PALM2AKAP2: variants seen among roughly 807,000 people sequenced by gnomAD.
PALM2AKAP2 encodes PALM2 and AKAP2 fusion.
Under a neutral mutation model 71.5 loss-of-function variants are expected in PALM2AKAP2, and 37 were observed. The observed-to-expected ratio is 0.52, with a 90% CI of 0.40 to 0.68. The LOEUF is 0.68. PALM2AKAP2 is among the 30% of genes least tolerant of loss of function. The pLI is 0.00. For synonymous variants in PALM2AKAP2, 468 were observed against 478.8 expected (o/e 0.98, Z 0.29); for missense variants, 1,224 against 1,191.8 (o/e 1.03, Z -0.40).
intron 2 of PALM2AKAP2, among the ~76,000 whole-genome samples, chr9:110,152,641 C>T (rs1394553031): frequency 6.6e-6 from 1 of 152,218 alleles, no homozygotes; most frequent in African/African-American, 2.4e-5. Flanking sequence ...GTGGTGCTGT[C>T]TGCAGTGTCC....
At chr9:110,136,530 C>T in exon 2 of PALM2AKAP2, 1 of 1,613,516 alleles carries the variant, frequency 6.2e-7, no homozygotes. Context: ...CACGAGGCGA[C>T]CCAGCCAGAA....
intron 7 of PALM2AKAP2, chr9:110,025,054 T>C (rs1269401824): frequency 9.4e-6 from 11 of 1,170,328 alleles, no homozygotes; most frequent in Non-Finnish European, 1.4e-5. Context: ...TTCAGGAAGC[T>C]ATCTCGGCTC....
intron 6 of PALM2AKAP2, among the ~76,000 whole-genome samples, chr9:109,954,658 T>TAAAAA (rs56743395): frequency 1.4e-3 from 148 of 107,578 alleles, no homozygotes; most frequent in African/African-American, 3.1e-3. Context: ...TAAAGTATAA[T>TAAAAA]AAAAAAAAAA....
At chr9:110,170,589 C>T (rs558551676) in exon 4 of PALM2AKAP2, 1 of 152,342 alleles carries the variant, frequency 6.6e-6, no homozygotes, top group African/African-American at 2.4e-5. Flanking sequence ...TTGGCACCAT[C>T]TTTATATGGT....
chr9:109,663,759 A>G (rs1827436929), intron 1 of PALM2AKAP2, among the ~76,000 whole-genome samples: 1 of 152,058 alleles, frequency 6.6e-6, no homozygotes, highest in East Asian at 1.9e-4. Flanking sequence ...CTTCCATCTC[A>G]TTGATCTGTC....
intron 6 of PALM2AKAP2, among the ~76,000 whole-genome samples, chr9:110,006,320 C>CT (rs1238150373): frequency 6.1e-5 from 5 of 82,600 alleles, no homozygotes; most frequent in Non-Finnish European, 2.7e-5. Context: ...TTCCTTCCTT[C>CT]CTTCTCTTTC....
intron 6 of PALM2AKAP2, among the ~76,000 whole-genome samples, chr9:109,933,497 A>G (rs994505909): frequency 6.6e-6 from 1 of 152,168 alleles, no homozygotes; most frequent in African/African-American, 2.4e-5. Flanking sequence ...GGGACAATGT[A>G]TGAGAAATAA....
At chr9:109,681,601 G>T (rs948137581) in intron 1 of PALM2AKAP2, among the ~76,000 whole-genome samples, 1 of 152,184 alleles carries the variant, frequency 6.6e-6, no homozygotes, top group East Asian at 1.9e-4. Flanking sequence ...TGGGGGATCA[G>T]CATGACAAAA....
rs550628039 is a variant in PALM2AKAP2 at position 110,027,226 on chromosome 9, T to C, written c.582+11187T>C. Among the ~76,000 whole-genome samples the C allele has an allele frequency of 4.6e-5, 7 of 152,330 alleles. 1 individual carries two copies. The South Asian group carries it at 1.5e-3, about 32-fold the overall frequency. On this transcript the variant is annotated intron_variant, in intron 7 of 9. Coordinates refer to the PALM2AKAP2 transcript ENST00000302798. ...TGGCCTTATCCAGCTGGTGCCTTGC[T>C]GCAAGTCCCAAATCACACCTGCTTG...
chr9:110,044,555 T>C (rs187840830), upstream of PALM2AKAP2, among the ~76,000 whole-genome samples: 77 of 151,936 alleles, frequency 5.1e-4, 1 homozygote, highest in African/African-American at 1.8e-3. Flanking sequence ...TTGCACCATG[T>C]TGGCCAGGCT....
intron 6 of PALM2AKAP2, among the ~76,000 whole-genome samples, chr9:109,933,439 A>G (rs1490932933): frequency 2.0e-5 from 3 of 152,234 alleles, no homozygotes; most frequent in Non-Finnish European, 4.4e-5. Context: ...CTGCACTTCA[A>G]AGGACACAGG....
chr9:110,098,007 G>A (rs1047417818), intron 1 of PALM2AKAP2, among the ~76,000 whole-genome samples: 2 of 145,022 alleles, frequency 1.4e-5, no homozygotes, highest in African/African-American at 2.8e-5. Context: ...CAAAAAATAC[G>A]AAAACCAGTC....
intron 6 of PALM2AKAP2, among the ~76,000 whole-genome samples, chr9:109,941,386 G>C (rs1419264940): frequency 6.6e-6 from 1 of 152,154 alleles, no homozygotes; most frequent in Non-Finnish European, 1.5e-5. Flanking sequence ...GTGGTGAGGA[G>C]ATGGATGAGA....
At chr9:109,838,377 AGT>A (rs1023572427) in intron 1 of PALM2AKAP2, among the ~76,000 whole-genome samples, 3 of 152,250 alleles carry the variant, frequency 2.0e-5, no homozygotes, top group African/African-American at 7.2e-5. Flanking sequence ...TATTTAAAGC[AGT>A]GTGTAGAGGG....
chr9:110,103,970 T>C (rs1348573780), intron 1 of PALM2AKAP2, among the ~76,000 whole-genome samples: 4 of 152,228 alleles, frequency 2.6e-5, no homozygotes, highest in African/African-American at 9.6e-5. Context: ...GCCTATGCTG[T>C]GATCCCTGGA....
At position 109,700,635 on chromosome 9, in the gene PALM2AKAP2, A is replaced by T. The variant is rs566003323; in HGVS notation, c.5+59769A>T. ...CCTCTCGGATAGATTGCTTGTTCAC[A>T]ATTACACTTTGTTGTCTCACTGGAA... On this transcript the variant is annotated intron_variant, in intron 1 of 6. Coordinates refer to the PALM2AKAP2 transcript ENST00000374531. Among the ~76,000 whole-genome samples the T allele has an allele frequency of 7.2e-5, 11 of 152,310 alleles. No homozygotes were observed. In the South Asian group the frequency reaches 1.9e-3, roughly 26 times the overall value.
chr9:109,704,817 A>C (rs527742022), intron 1 of PALM2AKAP2, among the ~76,000 whole-genome samples: 3 of 152,222 alleles, frequency 2.0e-5, no homozygotes, highest in Non-Finnish European at 4.4e-5. Flanking sequence ...CTTGGCTCTC[A>C]CCAGTGCTTG....
chr9:110,002,709 G>A (rs533115853), intron 6 of PALM2AKAP2, among the ~76,000 whole-genome samples: 1 of 152,178 alleles, frequency 6.6e-6, no homozygotes, highest in South Asian at 2.1e-4. Context: ...CAATTTCAGA[G>A]CCTGTTATTG....
chr9:110,037,946 T>A (rs780468389), intron 7 of PALM2AKAP2, among the ~76,000 whole-genome samples: 4 of 152,144 alleles, frequency 2.6e-5, no homozygotes, highest in Non-Finnish European at 5.9e-5. Flanking sequence ...ACAGAGAGAA[T>A]GGCCTGAGGG....
Sources: gnomAD v4.1 joint callset for allele counts (sites outside exome capture counted in the v4.1 genomes callset) on GRCh38, gnomAD v4.1.1 for gene constraint, MANE v1.5 for transcripts, NCBI Gene and HGNC (gene_info 2026-07-23, HGNC 2026-07-21) for gene names.